The following CA8 variants were observed in gnomAD, a reference collection of about 807,000 sequenced individuals.
CA8 encodes the protein carbonic anhydrase 8 (inactive), also known as carbonic anhydrase-related protein.
A neutral mutation model predicts 41.4 loss-of-function variants in CA8; 22 were observed. The ratio of observed to expected loss-of-function variants is 0.53; its 90% CI spans 0.38 to 0.76. The LOEUF is 0.76. Ranked by LOEUF, CA8 falls within the 30% of genes least tolerant of loss-of-function variation. The pLI, the probability that CA8 is intolerant of heterozygous loss-of-function variation, is 0.00. For synonymous variants in CA8, 121 were observed against 130.6 expected (o/e 0.93, Z 0.50); for missense variants, 270 against 352.8 (o/e 0.77, Z 1.88).
At chr8:60,194,294 A>T (rs1366973217) in intron 8 of CA8, among the ~76,000 whole-genome samples, 1 of 152,128 alleles carries the variant, frequency 6.6e-6, no homozygotes, top group Non-Finnish European at 1.5e-5. Flanking sequence ...TGGGACTGGC[A>T]AACAACCACT....
intron 3 of CA8, among the ~76,000 whole-genome samples, chr8:60,247,844 T>C (rs1808304668): frequency 6.6e-6 from 1 of 152,240 alleles, no homozygotes; most frequent in African/African-American, 2.4e-5. Context: ...TATTCCACAA[T>C]GGTTGAACTA....
At chr8:60,270,770 T>A (rs990799354) in intron 2 of CA8, among the ~76,000 whole-genome samples, 83 of 152,344 alleles carry the variant, frequency 5.4e-4, no homozygotes, top group African/African-American at 1.7e-3. Context: ...AAGTAACTTT[T>A]AAGAAATTCC....
intron 3 of CA8, among the ~76,000 whole-genome samples, chr8:60,237,874 C>G (rs1448099539): frequency 6.6e-6 from 1 of 152,216 alleles, no homozygotes; most frequent in East Asian, 1.9e-4. Flanking sequence ...AGCCCACCAA[C>G]AGGAGGCAAG....
rs749485766 is a variant in CA8 at position 60,281,095 on chromosome 8, T to C, written c.53A>G (p.Glu18Gly). The change falls in exon 1 of 9, where the codon GAG becomes GGG. Residue 18 changes from glutamate to glycine, a missense_variant. By Grantham distance (98) the Glu-to-Gly change is moderately conservative (BLOSUM62 -2). This residue lies in a region of CA8 where 123 missense variants were observed against 136.8 expected (regional missense o/e 0.90). Coordinates refer to ENST00000317995, the MANE Select transcript of CA8 (RefSeq NM_004056.6). ...EDTVAFPEKEEDEEEEEEGVE... is the reference protein window; with the variant it reads ...EDTVAFPEKEGDEEEEEEGVE... The stretch of plus-strand genomic sequence containing the variant: ...ACCCTCCTCTTCTTCCTCCTCATCC[T>C]CTTCCTTCTCGGGGAAGGCGACGGT... 1 of 1,608,578 alleles carries C rather than the reference T, an allele frequency of 6.2e-7. No homozygotes were observed. The highest frequency in any genetic ancestry group is 1.1e-5 in the South Asian group (1 of 90,256).
chr8:60,278,827 T>C lies in CA8; in HGVS notation c.292+862A>G, dbSNP rs115883807. Among the ~76,000 whole-genome samples, 1,136 of 152,338 alleles carry C rather than the reference T, an allele frequency of 7.5e-3. 16 individuals are homozygous for C. Among genetic ancestry groups the C allele is most frequent in the African/African-American group, 0.026 (1,072 of 41,576 alleles). On this transcript the variant is annotated intron_variant, in intron 2 of 8. Transcript: ENST00000317995. ...AACCTAAAGATTTTATAGTTTGAGGTATCAACTTTATCAACTTGGAATTAA... is the reference window on the plus strand; with the variant it reads ...AACCTAAAGATTTTATAGTTTGAGGCATCAACTTTATCAACTTGGAATTAA...
chr8:60,264,044 C>A (rs1242345668), intron 3 of CA8, among the ~76,000 whole-genome samples: 2 of 152,222 alleles, frequency 1.3e-5, no homozygotes, highest in African/African-American at 4.8e-5. Flanking sequence ...TCTGCAGAAA[C>A]AAAGCCTCAC....
rs192065281 is a variant in CA8, at chr8:60,265,565, G to A, written c.417+360C>T. ...CAAACCTACACTTTTCATTACTGTT[G>A]AGGTTTCTCCAACGGTTGCTTGTCT... On this transcript the variant is annotated intron_variant, in intron 3 of 8. Transcript: ENST00000317995. 1,623 of 265,066 alleles carry A rather than the reference G, an allele frequency of 6.1e-3. 6 individuals carry two copies. The highest frequency in any genetic ancestry group is 9.6e-3 in the Non-Finnish European group (1,311 of 136,648). The allele number at this position is 265,066 out of a possible 1,614,324, so 16.4% of individuals were successfully genotyped here.
Position 60,222,715 on chromosome 8 carries a change from G to A in CA8, c.672C>T (p.Ile224=), listed in dbSNP as rs1407985138. Residue 224 remains isoleucine (I), a synonymous_variant, in exon 7 of 9, where the codon ATC becomes ATT. Transcript: ENST00000317995. Reference sequence around the variant, plus strand: ...AGGTGACACCTTCACTGCAAGGTGGGATGGTGAGAGAGCCTTCATACACCC... The same window carrying A: ...AGGTGACACCTTCACTGCAAGGTGGAATGGTGAGAGAGCCTTCATACACCC... ...DYWVYEGSLT[I]PPCSEGVTWI... 6.2e-7 allele frequency: 1 copy of A among 1,614,060 alleles called. No individual in the cohort carries two copies. The highest frequency in any genetic ancestry group is 8.5e-7 in the Non-Finnish European group (1 of 1,179,884).
chr8:60,223,387 G>A (rs1430187278), intron 6 of CA8, among the ~76,000 whole-genome samples: 1 of 152,024 alleles, frequency 6.6e-6, no homozygotes, highest in Non-Finnish European at 1.5e-5. Context: ...CAAACTCCTG[G>A]GCTCAAGCGA....
intron 8 of CA8, among the ~76,000 whole-genome samples, chr8:60,199,220 T>C (rs1442568782): frequency 6.6e-6 from 1 of 152,216 alleles, no homozygotes; most frequent in African/African-American, 2.4e-5. Flanking sequence ...AAAAGATTTT[T>C]TTTCCCTTTG....
chr8:60,249,847 A>G (rs1222694149), intron 3 of CA8, among the ~76,000 whole-genome samples: 1 of 152,218 alleles, frequency 6.6e-6, no homozygotes, highest in Non-Finnish European at 1.5e-5. Flanking sequence ...CAAGCAGTAG[A>G]TCTTATTATT....
At chr8:60,267,671 C>T (rs1337096230) in intron 2 of CA8, among the ~76,000 whole-genome samples, 3 of 152,136 alleles carry the variant, frequency 2.0e-5, no homozygotes, top group African/African-American at 4.8e-5. Context: ...AATCTTCTGA[C>T]CCACATCCCA....
intron 3 of CA8, among the ~76,000 whole-genome samples, chr8:60,249,056 T>C (rs551979625): frequency 2.0e-5 from 3 of 152,246 alleles, no homozygotes; most frequent in African/African-American, 7.2e-5. Flanking sequence ...ATTTGGTCCA[T>C]TGACTAGCAT....
chr8:60,215,635 T>C (rs780051677), intron 7 of CA8, among the ~76,000 whole-genome samples: 1 of 152,142 alleles, frequency 6.6e-6, no homozygotes, highest in Admixed American at 6.5e-5. Flanking sequence ...CTCATTCAGA[T>C]CCGTTCAATT....
intron 8 of CA8, among the ~76,000 whole-genome samples, chr8:60,190,699 TA>T (rs1806095389): frequency 1.3e-5 from 2 of 150,150 alleles, no homozygotes; most frequent in Non-Finnish European, 3.0e-5. Flanking sequence ...TCTAGGAACT[TA>T]TAATAGACAT....
At chr8:60,203,565 T>C (rs1486089768) in intron 8 of CA8, among the ~76,000 whole-genome samples, 5 of 152,186 alleles carry the variant, frequency 3.3e-5, no homozygotes, top group Admixed American at 3.3e-4. Flanking sequence ...AGATTTTTAA[T>C]CATAATGAAA....
chr8:60,189,283 T>G lies in CA8; in HGVS notation c.*738A>C, dbSNP rs1325543127. 1 of 152,176 alleles carries G rather than the reference T, an allele frequency of 6.6e-6. No individual in the cohort carries two copies. The highest frequency in any genetic ancestry group is 2.4e-5 in the African/African-American group (1 of 41,444). 9.4% of individuals were successfully genotyped at this position (152,176 alleles called of 1,614,324 possible). Reference sequence around the variant, plus strand: ...TCCTGGTACATGGTGCTGACCTTCTTTTTATCCTATTTCTTACACCTTTCT... The same window carrying G: ...TCCTGGTACATGGTGCTGACCTTCTGTTTATCCTATTTCTTACACCTTTCT... On this transcript the variant is annotated 3_prime_UTR_variant, in exon 9 of 9. Coordinates refer to ENST00000317995, the MANE Select transcript of CA8 (RefSeq NM_004056.6).
At chr8:60,262,242 C>A (rs1374364660) in intron 3 of CA8, among the ~76,000 whole-genome samples, 3 of 150,230 alleles carry the variant, frequency 2.0e-5, no homozygotes, top group African/African-American at 7.4e-5. Context: ...CCTAAATACC[C>A]AAGAGCCTTA....
intron 3 of CA8, among the ~76,000 whole-genome samples, chr8:60,232,901 C>T (rs183996660): frequency 2.6e-5 from 4 of 151,996 alleles, no homozygotes; most frequent in East Asian, 3.8e-4. Flanking sequence ...TTTAAAGCCA[C>T]GGTAAAATAA....
Sources: gnomAD v4.1 joint callset for allele counts (sites outside exome capture counted in the v4.1 genomes callset) on GRCh38, gnomAD v4.1.1 for gene constraint, gnomAD v4.1.1 regional missense constraint, MANE v1.5 for transcripts, NCBI Gene and HGNC (gene_info 2026-07-23, HGNC 2026-07-21) for gene names.